CFD: variants seen among roughly 807,000 people sequenced by gnomAD.
CFD encodes the protein complement factor D.
A neutral mutation model predicts 21.1 loss-of-function variants in CFD; 24 were observed. That is an observed-to-expected ratio of 1.14 (90% CI 0.82 to 1.60). CFD has a LOEUF of 1.60. Ranked by LOEUF, CFD falls within the 40% of genes most tolerant of loss-of-function variation. The pLI is 0.00. For missense variants in CFD, 535 were observed against 383.3 expected (o/e 1.40, Z -3.31); for synonymous variants, 242 against 175.9 (o/e 1.38, Z -2.97).
chr19:863,012 G>C (rs1184091090), intron 4 of CFD, 80 bp from the exon 5 acceptor site: 8 of 1,352,820 alleles, frequency 5.9e-6, no homozygotes, highest in Non-Finnish European at 7.9e-6. Context: ...GGGCGGGAGC[G>C]GCAGCCAGGT....
intron 4 of CFD, among the ~76,000 whole-genome samples, chr19:862,695 T>C (rs2035820384): frequency 2.0e-5 from 3 of 151,500 alleles, no homozygotes; most frequent in Admixed American, 1.3e-4. Flanking sequence ...GGGCGTGGCC[T>C]GAGGTGAGTG....
chr19:861,050 C>T (rs536239117), intron 3 of CFD, 45 bp downstream of exon 3: 3 of 1,579,410 alleles, frequency 1.9e-6, no homozygotes, highest in South Asian at 2.2e-5. Flanking sequence ...CTGGGATCCC[C>T]GGCCCACCCT....
chr19:862,060 G>A (rs917497683), intron 4 of CFD, 104 bp downstream of exon 4: 34 of 1,449,606 alleles, frequency 2.3e-5, no homozygotes, highest in Non-Finnish European at 3.0e-5. Context: ...GCCCAGGGAA[G>A]GGGCGGGGCG....
Position 860,744 on chromosome 19 carries a change from G to GCTGA in CFD, c.184_187dup (p.Ser63ThrfsTer146). On this transcript the variant is annotated frameshift_variant, in exon 2 of 5. Coordinates refer to ENST00000327726, the MANE Select transcript of CFD (RefSeq NM_001928.4). LOFTEE classifies it high-confidence loss of function. ...GCGTCCTGGTGGCGGAGCAGTGGGT[G>GCTGA]CTGAGCGCGGCGCACTGCCTGGAGG... 1 of 1,567,546 alleles carries GCTGA rather than the reference G, an allele frequency of 6.4e-7. No individual in the cohort carries two copies. The highest frequency in any genetic ancestry group is 8.6e-7 in the Non-Finnish European group (1 of 1,166,094).
chr19:863,080 C>A lies in CFD; in HGVS notation c.616-12C>A. On this transcript the variant is annotated splice_polypyrimidine_tract_variant and intron_variant, in intron 4 of 4. Coordinates refer to ENST00000327726, the MANE Select transcript of CFD (RefSeq NM_001928.4). ...GCGGGCCGCCCCTCACGGCCCCGTCCTGTTCCGGCAGGGTGACTCCGGGGG... is the reference window on the plus strand; with the variant it reads ...GCGGGCCGCCCCTCACGGCCCCGTCATGTTCCGGCAGGGTGACTCCGGGGG... 6.6e-7 allele frequency: 1 copy of A among 1,518,056 alleles called. No individual in the cohort carries two copies. The highest frequency in any genetic ancestry group is 1.2e-5 in the South Asian group (1 of 83,162). The allele number at this position is 1,518,056 out of a possible 1,614,324, so 94.0% of individuals were successfully genotyped here.
chr19:860,562 C>T lies in CFD; in HGVS notation c.56-55C>T, dbSNP rs941735286. 5.1e-6 allele frequency: 7 copies of T among 1,366,888 alleles called. No homozygotes were observed. The African/African-American group carries it at 6.2e-5, about 12-fold the overall frequency. The allele number at this position is 1,366,888 out of a possible 1,614,324, so 84.7% of individuals were successfully genotyped here. A position where few individuals can be genotyped will look rare whatever the true frequency, so the allele number is the denominator to read the frequency against. ...TGAGAGCTGGGATCCCGTCAGGCAG[C>T]CTCGCCCGGGGGAGGAGTCCACCCC... is the stretch of plus-strand genomic sequence containing the variant. On this transcript the variant is annotated intron_variant, in intron 1 of 4. Transcript: ENST00000327726.
chr19:863,506 G>A lies in CFD; in HGVS notation c.*268G>A, dbSNP rs747123069. ...AGTTCCAGCTACTCAGGAGGCTGAG[G>A]TGGGAGGATGACTTGAACGCAGGAG... is the stretch of plus-strand genomic sequence containing the variant. On this transcript the variant is annotated 3_prime_UTR_variant, in exon 5 of 5. Transcript: ENST00000327726. 7 of 525,062 alleles carry A rather than the reference G, an allele frequency of 1.3e-5. No individual in the cohort carries two copies. The highest frequency in any genetic ancestry group is 9.4e-5 in the Admixed American group (3 of 32,022). 32.5% of individuals were successfully genotyped at this position (525,062 alleles called of 1,614,324 possible).
rs868638619 is a variant in CFD at position 861,701 on chromosome 19, G to T, written c.360G>T (p.Leu120=). The change falls in exon 4 of 5, where the codon CTG becomes CTT. Residue 120 remains leucine, a splice_region_variant and synonymous_variant. Transcript: ENST00000327726. ...CTGACGTCCGCCTCCACCCTCAGCTGTCGGAGAAGGCCACACTGGGCCCTG... is the reference window on the plus strand; with the variant it reads ...CTGACGTCCGCCTCCACCCTCAGCTTTCGGAGAAGGCCACACTGGGCCCTG... The part of the protein sequence containing the change: ...TIDHDLLLLQ[L]SEKATLGPAV... 5 of 1,600,124 alleles carry T rather than the reference G, an allele frequency of 3.1e-6. No homozygotes were observed. Among genetic ancestry groups the T allele is most frequent in the African/African-American group, 1.3e-5 (1 of 74,530 alleles).
chr19:863,173 A>G lies in CFD; in HGVS notation c.697A>G (p.Lys233Glu). Residue 233 changes from lysine to glutamate, a missense_variant, in exon 5 of 5, where the codon AAG becomes GAG. Coordinates refer to ENST00000327726, the MANE Select transcript of CFD (RefSeq NM_001928.4). ...GGGCTCGCGCGTTTGCGGCAACCGCAAGAAGCCCGGGATCTACACCCGCGT... is the reference window on the plus strand; with the variant it reads ...GGGCTCGCGCGTTTGCGGCAACCGCGAGAAGCCCGGGATCTACACCCGCGT... ...TSGSRVCGNR[K>E]KPGIYTRVAS... The G allele has an allele frequency of 6.8e-7, 1 of 1,471,730 alleles. No individual in the cohort carries two copies. The highest frequency in any genetic ancestry group is 9.0e-7 in the Non-Finnish European group (1 of 1,115,478). 91.2% of individuals were successfully genotyped at this position (1,471,730 alleles called of 1,614,324 possible).
chr19:862,013 C>G lies in CFD; in HGVS notation c.615+57C>G, dbSNP rs1017349301. On this transcript the variant is annotated intron_variant, in intron 4 of 4. Coordinates refer to ENST00000327726, the MANE Select transcript of CFD (RefSeq NM_001928.4). ...GCCTGCAGGCCCCGGGAAGGGCCTG[C>G]AGAGGGAGCGCGAAGCGGGGGGCAA... 4.0e-6 allele frequency: 6 copies of G among 1,503,718 alleles called. No individual in the cohort carries two copies. In the East Asian group the frequency reaches 1.5e-4, roughly 37 times the overall value. The allele number at this position is 1,503,718 out of a possible 1,614,324, so 93.1% of individuals were successfully genotyped here.
At chr19:860,057 G>A (rs561120786) in intron 1 of CFD, among the ~76,000 whole-genome samples, 1 of 152,236 alleles carries the variant, frequency 6.6e-6, no homozygotes, top group South Asian at 2.1e-4. Flanking sequence ...AAGGCACTGC[G>A]CCCAGGGTAG....
rs1234139775 is a variant in CFD at position 861,926 on chromosome 19, C to T, written c.585C>T (p.Cys195=). 1 of 1,564,296 alleles carries T rather than the reference C, an allele frequency of 6.4e-7. No homozygotes were observed. Among genetic ancestry groups the T allele is most frequent in the South Asian group, 1.1e-5 (1 of 87,014 alleles). Residue 195 remains cysteine, a synonymous_variant, in exon 4 of 5, where the codon TGC becomes TGT. Transcript: ENST00000327726. ...GCGCCATCACCGAGCGCTTGATGTG[C>T]GCGGAGAGCAATCGCCGGGACAGCT... is the stretch of plus-strand genomic sequence containing the variant. ...HDGAITERLM[C]AESNRRDSCK...
Position 860,928 on chromosome 19 carries a change from C to A in CFD, c.280C>A (p.Leu94Met). Residue 94 changes from leucine (L) to methionine (M), a missense_variant, in exon 3 of 5, where the codon CTG becomes ATG. Leu to Met is a conservative substitution (Grantham distance 15, BLOSUM62 2). Transcript: ENST00000327726. ...SLSQPEPSKR[L>M]YDVLRAVPHP... Reference sequence around the variant, plus strand: ...GTCGCAGCCGGAGCCCTCCAAGCGCCTGTACGACGTGCTCCGCGCAGTGCC... The same window carrying A: ...GTCGCAGCCGGAGCCCTCCAAGCGCATGTACGACGTGCTCCGCGCAGTGCC... 6.2e-7 allele frequency: 1 copy of A among 1,600,878 alleles called. No individual in the cohort carries two copies. The highest frequency in any genetic ancestry group is 8.5e-7 in the Non-Finnish European group (1 of 1,178,932).
In CFD at chr19:861,722, C is replaced by A; in HGVS notation, c.381C>A (p.Gly127=). Residue 127 remains glycine (G), a synonymous_variant, in exon 4 of 5, where the codon GGC becomes GGA. Coordinates refer to ENST00000327726, the MANE Select transcript of CFD (RefSeq NM_001928.4). The part of the protein sequence containing the change: ...LLQLSEKATL[G]PAVRPLPWQR... Reference sequence around the variant, plus strand: ...AGCTGTCGGAGAAGGCCACACTGGGCCCTGCTGTGCGCCCCCTGCCCTGGC... The same window carrying A: ...AGCTGTCGGAGAAGGCCACACTGGGACCTGCTGTGCGCCCCCTGCCCTGGC... 2 of 1,603,892 alleles carry A rather than the reference C, an allele frequency of 1.2e-6. No individual in the cohort carries two copies. The highest frequency in any genetic ancestry group is 1.7e-6 in the Non-Finnish European group (2 of 1,177,212).
Position 863,451 on chromosome 19 carries a change from C to CAATTGGCGGGCATGG in CFD, c.*215_*229dup. On this transcript the variant is annotated 3_prime_UTR_variant, in exon 5 of 5. Transcript: ENST00000327726. Reference sequence around the variant, plus strand: ...ACAAATAAATAAAAAATTAGCTGGGCAATTGGCGGGCATGGAGGTGGGTGC... The same window carrying CAATTGGCGGGCATGG: ...ACAAATAAATAAAAAATTAGCTGGGCAATTGGCGGGCATGGAATTGGCGGGCATGGAGGTGGGTGC... The CAATTGGCGGGCATGG allele has an allele frequency of 1.6e-6, 1 of 618,452 alleles. No individual in the cohort carries two copies. Among genetic ancestry groups the CAATTGGCGGGCATGG allele is most frequent in the Non-Finnish European group, 2.9e-6 (1 of 348,138 alleles). The allele number at this position is 618,452 out of a possible 1,614,324, so 38.3% of individuals were successfully genotyped here. A position where few individuals can be genotyped will look rare whatever the true frequency, so the allele number is the denominator to read the frequency against.
chr19:861,084 C>A (rs1599300767), intron 3 of CFD, 79 bp downstream of exon 3: 9 of 1,471,206 alleles, frequency 6.1e-6, no homozygotes, highest in African/African-American at 2.8e-5. Flanking sequence ...CTACACCGCG[C>A]CCCGGGTCCA....
chr19:861,998 C>G (rs1171832152), intron 4 of CFD, 42 bp downstream of exon 4: 52 of 1,513,108 alleles, frequency 3.4e-5, no homozygotes, highest in Non-Finnish European at 4.5e-5. Flanking sequence ...GCCTGCAGGC[C>G]CCGGGAAGGG....
At position 863,181 on chromosome 19, in the gene CFD, C is replaced by T. The variant is rs1008411060; in HGVS notation, c.705C>T (p.Pro235=). 19 of 1,538,212 alleles carry T rather than the reference C, an allele frequency of 1.2e-5. No homozygotes were observed. In the African/African-American group the frequency reaches 1.5e-4, roughly 12 times the overall value. ...GSRVCGNRKK[P]GIYTRVASYA... Reference sequence around the variant, plus strand: ...GCGTTTGCGGCAACCGCAAGAAGCCCGGGATCTACACCCGCGTGGCGAGCT... The same window carrying T: ...GCGTTTGCGGCAACCGCAAGAAGCCTGGGATCTACACCCGCGTGGCGAGCT... The change falls in exon 5 of 5, where the codon CCC becomes CCT. Residue 235 remains proline (P), a synonymous_variant. Coordinates refer to ENST00000327726, the MANE Select transcript of CFD (RefSeq NM_001928.4).
chr19:859,673 G>A lies in CFD; in HGVS notation c.-17G>A, dbSNP rs1031113355. The A allele has an allele frequency of 1.9e-6, 3 of 1,558,582 alleles. No homozygotes were observed. The highest frequency in any genetic ancestry group is 2.6e-6 in the Non-Finnish European group (3 of 1,151,642). On this transcript the variant is annotated 5_prime_UTR_variant, in exon 1 of 5. Coordinates refer to ENST00000327726, the MANE Select transcript of CFD (RefSeq NM_001928.4). ...GGGCCCTGCCTGGGTCAGTGTCTCA[G>A]CCACAGCGGCTTCACCATGCACAGC...
Sources: gnomAD v4.1 joint callset for allele counts (sites outside exome capture counted in the v4.1 genomes callset) on GRCh38, gnomAD v4.1.1 for gene constraint, MANE v1.5 for transcripts, NCBI Gene and HGNC (gene_info 2026-07-23, HGNC 2026-07-21) for gene names.